Variants in TTC29 observed in about 807,000 individuals in gnomAD.
TTC29 encodes the protein tetratricopeptide repeat domain 29.
In TTC29, 49 loss-of-function variants were observed where a neutral mutation model predicts 58.1. The observed-to-expected ratio is 0.84, with a 90% CI of 0.67 to 1.07. The LOEUF (loss-of-function observed/expected upper bound fraction) is 1.07, where lower values mean the gene tolerates loss of function less well. Ranked by LOEUF, TTC29 falls within the 50% of genes least tolerant of loss-of-function variation. The pLI, the probability that TTC29 is intolerant of heterozygous loss-of-function variation, is 0.00. For missense variants in TTC29, 582 were observed against 555.6 expected (o/e 1.05, Z -0.48); for synonymous variants, 209 against 196.8 (o/e 1.06, Z -0.52).
chr4:146,735,131 G>A (rs941170904), intron 11 of TTC29, among the ~76,000 whole-genome samples: 2 of 152,098 alleles, frequency 1.3e-5, no homozygotes, highest in Admixed American at 6.6e-5. Context: ...ATGCTAGACC[G>A]AGTTTAAATT....
intron 4 of TTC29, among the ~76,000 whole-genome samples, chr4:146,932,900 C>CA (rs577425972): frequency 8.6e-5 from 13 of 151,040 alleles, no homozygotes; most frequent in South Asian, 4.2e-4. Context: ...ACTAAAAATA[C>CA]AAAAAAAATT....
chr4:146,742,668 C>A lies in TTC29; in HGVS notation c.1331-35117G>T, dbSNP rs896288341. ...TCTTTCCTTCCTTCCTTCTTTACTTCAATTCCTTCTTTCCTCTTCTACTCC... is the reference window on the plus strand; with the variant it reads ...TCTTTCCTTCCTTCCTTCTTTACTTAAATTCCTTCTTTCCTCTTCTACTCC... On this transcript the variant is annotated intron_variant, in intron 11 of 12. Transcript: ENST00000325106. 7.2e-4 allele frequency among the ~76,000 whole-genome samples: 100 copies of A among 138,336 alleles called. 1 individual carries two copies. The highest frequency in any genetic ancestry group is 3.6e-3 in the Middle Eastern group (1 of 278). 90.8% of individuals were successfully genotyped at this position (138,336 alleles called of 152,430 possible). A position where few individuals can be genotyped will look rare whatever the true frequency, so the allele number is the denominator to read the frequency against.
In TTC29 at chr4:146,860,240, AAAC is replaced by A. The variant is rs568162804; in HGVS notation, c.885+7255_885+7257del. Among the ~76,000 whole-genome samples, 199 of 152,284 alleles carry A rather than the reference AAAC, an allele frequency of 1.3e-3. 1 individual carries two copies. Among genetic ancestry groups the A allele is most frequent in the African/African-American group, 4.6e-3 (192 of 41,580 alleles). ...CTCCCCCCAAAACTTTCTGTCAGCT[AAAC>A]ATTACAAAGCAAATAAATCATTGAT... On this transcript the variant is annotated intron_variant, in intron 8 of 12. Transcript: ENST00000325106.
chr4:146,728,285 C>CA lies in TTC29; in HGVS notation c.1331-20735dup, dbSNP rs1166234571. Among the ~76,000 whole-genome samples the CA allele has an allele frequency of 6.5e-5, 9 of 137,718 alleles. No individual in the cohort carries two copies. The South Asian group carries it at 7.2e-4, about 11-fold the overall frequency. The allele number at this position is 137,718 out of a possible 152,430, so 90.3% of individuals were successfully genotyped here. A position where few individuals can be genotyped will look rare whatever the true frequency, so the allele number is the denominator to read the frequency against. On this transcript the variant is annotated intron_variant, in intron 11 of 12. Coordinates refer to ENST00000325106, the MANE Select transcript of TTC29 (RefSeq NM_031956.4). ...TGGGCAACAGAGTGAGAGCCCATCT[C>CA]AAAAAAAAGAAAAAAAAAAAAAGAT...
At chr4:146,880,831 T>C (rs975458398) in intron 6 of TTC29, among the ~76,000 whole-genome samples, 1 of 152,108 alleles carries the variant, frequency 6.6e-6, no homozygotes, top group Non-Finnish European at 1.5e-5. Flanking sequence ...TAAAGCCATA[T>C]AACATTCCTG....
chr4:146,878,090 G>T (rs1266267490), intron 6 of TTC29, among the ~76,000 whole-genome samples: 1 of 152,148 alleles, frequency 6.6e-6, no homozygotes, highest in African/African-American at 2.4e-5. Flanking sequence ...GCTGTTAGGT[G>T]TCCTGGATAA....
intron 11 of TTC29, among the ~76,000 whole-genome samples, chr4:146,780,228 G>A (rs529232868): frequency 2.4e-4 from 36 of 151,628 alleles, no homozygotes; most frequent in East Asian, 5.8e-4. Flanking sequence ...TCTCAGAAGC[G>A]TAAAGGATTG....
chr4:146,933,592 C>T (rs1008002573), intron 4 of TTC29, among the ~76,000 whole-genome samples: 3 of 152,202 alleles, frequency 2.0e-5, no homozygotes, highest in African/African-American at 7.2e-5. Flanking sequence ...TAGATAGTAG[C>T]AGTGAACCAT....
At chr4:146,792,245 T>G (rs1018071089) in intron 11 of TTC29, among the ~76,000 whole-genome samples, 6 of 152,228 alleles carry the variant, frequency 3.9e-5, no homozygotes, top group African/African-American at 9.6e-5. Flanking sequence ...CTAACTCTTA[T>G]TAGTAGCTAC....
chr4:146,928,425 A>G (rs534602981), intron 4 of TTC29, among the ~76,000 whole-genome samples: 23 of 152,220 alleles, frequency 1.5e-4, no homozygotes, highest in Non-Finnish European at 2.6e-4. Context: ...TGCTCTACAA[A>G]TATTAGTCAT....
In TTC29 at chr4:146,913,614, G is replaced by A. The variant is rs565997931; in HGVS notation, c.177-4365C>T. On this transcript the variant is annotated intron_variant, in intron 4 of 12. Coordinates refer to ENST00000325106, the MANE Select transcript of TTC29 (RefSeq NM_031956.4). Reference sequence around the variant, plus strand: ...CATAAAGGTGTAGGAGGTTGCTGGTGCTCAATCAATCTGGAAGAATCTTGA... The same window carrying A: ...CATAAAGGTGTAGGAGGTTGCTGGTACTCAATCAATCTGGAAGAATCTTGA... Among the ~76,000 whole-genome samples the A allele has an allele frequency of 1.0e-3, 158 of 152,186 alleles. 1 individual carries two copies. The highest frequency in any genetic ancestry group is 2.6e-3 in the Admixed American group (40 of 15,270).
chr4:146,792,265 T>C (rs1238997894), intron 11 of TTC29, among the ~76,000 whole-genome samples: 1 of 152,218 alleles, frequency 6.6e-6, no homozygotes, highest in Non-Finnish European at 1.5e-5. Flanking sequence ...CTGCAGCTGG[T>C]GACTTTGACG....
At chr4:146,851,829 T>C (rs946660381) in intron 8 of TTC29, among the ~76,000 whole-genome samples, 2 of 152,166 alleles carry the variant, frequency 1.3e-5, no homozygotes, top group African/African-American at 4.8e-5. Context: ...TCTATAATAA[T>C]GGAGGGGAAG....
chr4:146,806,926 A>C (rs1750660540), intron 10 of TTC29, among the ~76,000 whole-genome samples: 1 of 152,248 alleles, frequency 6.6e-6, no homozygotes, highest in African/African-American at 2.4e-5. Flanking sequence ...CCAAATCAAC[A>C]GAATATACAT....
chr4:146,741,954 G>C (rs1296074735), intron 11 of TTC29, among the ~76,000 whole-genome samples: 1 of 152,122 alleles, frequency 6.6e-6, no homozygotes, highest in East Asian at 1.9e-4. Flanking sequence ...TATCACAATG[G>C]GAGTTAGCAC....
At chr4:146,922,388 G>T (rs1417049943) in intron 4 of TTC29, among the ~76,000 whole-genome samples, 2 of 151,532 alleles carry the variant, frequency 1.3e-5, no homozygotes, top group Non-Finnish European at 3.0e-5. Flanking sequence ...TGAAAGAACT[G>T]GTTATGTGAA....
At chr4:146,707,336 T>C in intron 12 of TTC29, 148 bp from the exon 13 acceptor site, 1 of 785,296 alleles carries the variant, frequency 1.3e-6, no homozygotes, top group Non-Finnish European at 2.0e-6. Context: ...TGAAAATAAA[T>C]CTGTGATTTT....
chr4:146,774,135 T>C (rs1747923495), intron 11 of TTC29, among the ~76,000 whole-genome samples: 3 of 152,084 alleles, frequency 2.0e-5, no homozygotes, highest in Admixed American at 2.0e-4. Flanking sequence ...TTTATTAGTT[T>C]AGCTAGCAGT....
intron 6 of TTC29, among the ~76,000 whole-genome samples, chr4:146,901,006 T>C (rs1733110211): frequency 6.6e-6 from 1 of 151,854 alleles, no homozygotes; most frequent in East Asian, 1.9e-4. Flanking sequence ...TATTTTCACA[T>C]AATATGTATG....
Sources: gnomAD v4.1 joint callset for allele counts (sites outside exome capture counted in the v4.1 genomes callset) on GRCh38, gnomAD v4.1.1 for gene constraint, MANE v1.5 for transcripts, NCBI Gene and HGNC (gene_info 2026-07-23, HGNC 2026-07-21) for gene names.